The following UMAD1 variants were observed in gnomAD, a reference collection of about 807,000 sequenced individuals.
UMAD1 encodes the protein UBAP1-MVB12-associated (UMA) domain containing 1.
Under a neutral mutation model 6.1 loss-of-function variants are expected in UMAD1, and 8 were observed. That is an observed-to-expected ratio of 1.30 (90% confidence interval 0.76 to 2.35). UMAD1 has a LOEUF of 2.35. Ranked by LOEUF, UMAD1 falls within the 30% of genes most tolerant of loss-of-function variation. The pLI, the probability that UMAD1 is intolerant of heterozygous loss-of-function variation, is 0.00. For missense variants in UMAD1, 130 were observed against 78.4 expected (o/e 1.66, Z -2.49); for synonymous variants, 56 against 31.4 (o/e 1.78, Z -2.61).
chr7:7,854,942 A>T (rs964651201), intron 3 of UMAD1, among the ~76,000 whole-genome samples: 1 of 152,240 alleles, frequency 6.6e-6, no homozygotes, highest in African/African-American at 2.4e-5. Flanking sequence ...AAATGGGCCA[A>T]AACAAAGGGG....
At chr7:7,698,445 T>G (rs1780369968) in intron 2 of UMAD1, among the ~76,000 whole-genome samples, 1 of 152,252 alleles carries the variant, frequency 6.6e-6, no homozygotes, top group Non-Finnish European at 1.5e-5. Context: ...TTTTTACAGC[T>G]TAGCCTTTTC....
At chr7:7,788,195 G>T (rs1782495896) in intron 2 of UMAD1, among the ~76,000 whole-genome samples, 1 of 152,240 alleles carries the variant, frequency 6.6e-6, no homozygotes, top group Admixed American at 6.5e-5. Context: ...TTGCATATGT[G>T]TGAAGTGGTT....
intron 1 of UMAD1, among the ~76,000 whole-genome samples, 187 bp from the exon 2 acceptor site, chr7:7,673,122 G>C (rs147523661): frequency 1.7e-4 from 26 of 152,196 alleles, no homozygotes; most frequent in Admixed American, 2.0e-4. Flanking sequence ...GGATACAGGA[G>C]TTTAAATTGG....
intron 2 of UMAD1, among the ~76,000 whole-genome samples, chr7:7,744,647 T>C (rs1781536849): frequency 6.6e-6 from 1 of 151,880 alleles, no homozygotes; most frequent in Non-Finnish European, 1.5e-5. Flanking sequence ...TAGTAGTTCA[T>C]TGTGGTTTTG....
At chr7:7,645,570 A>C (rs935751761) in intron 1 of UMAD1, among the ~76,000 whole-genome samples, 13 of 152,322 alleles carry the variant, frequency 8.5e-5, no homozygotes, top group African/African-American at 3.1e-4. Context: ...TATTCCCCGA[A>C]GTCCTTCCCA....
intron 3 of UMAD1, among the ~76,000 whole-genome samples, chr7:7,813,497 C>T (rs1487763069): frequency 1.3e-5 from 2 of 152,114 alleles, no homozygotes; most frequent in Non-Finnish European, 1.5e-5. Context: ...AGTGACTGCG[C>T]CCAGCCCCTT....
At chr7:7,654,630 C>G (rs1217629395) in intron 1 of UMAD1, among the ~76,000 whole-genome samples, 1 of 152,084 alleles carries the variant, frequency 6.6e-6, no homozygotes. Flanking sequence ...GGGCTGGGTG[C>G]GGTGGCTCAT....
rs112315023 is a variant in UMAD1, at chr7:7,875,450, A to G, written c.157-1831A>G. ...AAATAGATGGACCATTAACCAGACT[A>G]GTAAAGATGAAAAGAGAGAAGAATC... On this transcript the variant is annotated intron_variant, in intron 3 of 3. Transcript: ENST00000682710. Among the ~76,000 whole-genome samples the G allele has an allele frequency of 8.6e-3, 1,317 of 152,328 alleles. 23 individuals carry two copies. The highest frequency in any genetic ancestry group is 0.03 in the African/African-American group (1,265 of 41,562).
chr7:7,646,892 A>G (rs1785109248), intron 1 of UMAD1, among the ~76,000 whole-genome samples: 1 of 152,086 alleles, frequency 6.6e-6, no homozygotes, highest in Admixed American at 6.5e-5. Flanking sequence ...GGGGTGACAT[A>G]TTGGGCCAAA....
intron 2 of UMAD1, among the ~76,000 whole-genome samples, chr7:7,798,659 C>T (rs1190214701): frequency 5.3e-5 from 8 of 152,318 alleles, no homozygotes; most frequent in Middle Eastern, 3.4e-3. Flanking sequence ...CTCTTCACAC[C>T]CTGTTCCCTA....
At chr7:7,715,496 A>T (rs1027649993) in intron 2 of UMAD1, among the ~76,000 whole-genome samples, 3 of 152,218 alleles carry the variant, frequency 2.0e-5, no homozygotes, top group Non-Finnish European at 4.4e-5. Context: ...TTATATAAAC[A>T]TTCATGCATT....
intron 2 of UMAD1, among the ~76,000 whole-genome samples, chr7:7,779,692 T>C (rs1950364919): frequency 6.6e-6 from 1 of 152,216 alleles, no homozygotes; most frequent in Non-Finnish European, 1.5e-5. Context: ...CCATCCAGGC[T>C]GAAGTGCAGT....
chr7:7,860,366 C>T (rs914997091), intron 3 of UMAD1, among the ~76,000 whole-genome samples: 2 of 151,980 alleles, frequency 1.3e-5, no homozygotes. Context: ...CGGGCCCTTG[C>T]TAATTGTCTT....
chr7:7,689,198 G>A (rs1780113039), intron 2 of UMAD1: 2 of 152,136 alleles, frequency 1.3e-5, no homozygotes, highest in South Asian at 4.1e-4. Context: ...ATTTCTGACT[G>A]CGACATGAAG....
intron 2 of UMAD1, among the ~76,000 whole-genome samples, chr7:7,746,537 A>G (rs1236880091): frequency 1.3e-5 from 2 of 152,348 alleles, no homozygotes; most frequent in East Asian, 3.9e-4. Context: ...ATGTGCATGT[A>G]GTTTTTGCCT....
intron 2 of UMAD1, among the ~76,000 whole-genome samples, chr7:7,800,845 G>A (rs1782784765): frequency 6.6e-6 from 1 of 152,006 alleles, no homozygotes; most frequent in African/African-American, 2.4e-5. Context: ...CATTTCTTTG[G>A]TAATCTTCCC....
chr7:7,802,193 C>T (rs1053072382), intron 3 of UMAD1, among the ~76,000 whole-genome samples: 5 of 152,324 alleles, frequency 3.3e-5, no homozygotes, highest in South Asian at 4.1e-4. Flanking sequence ...TCCTGGCCAA[C>T]ATGGTGAAAC....
intron 1 of UMAD1, among the ~76,000 whole-genome samples, chr7:7,641,976 A>G (rs1284910590): frequency 6.6e-6 from 1 of 152,256 alleles, no homozygotes; most frequent in Non-Finnish European, 1.5e-5. Context: ...AAACAGATGT[A>G]GAATGTGTGT....
intron 3 of UMAD1, among the ~76,000 whole-genome samples, chr7:7,827,392 G>A (rs1282178792): frequency 1.3e-5 from 2 of 151,950 alleles, no homozygotes; most frequent in African/African-American, 4.8e-5. Flanking sequence ...CAGTCCTCCT[G>A]TATTCAACTT....
Sources: allele counts gnomAD v4.1 joint callset (sites outside exome capture counted in the v4.1 genomes callset), GRCh38; gene constraint gnomAD v4.1.1; transcripts MANE v1.5; gene names NCBI Gene and HGNC (gene_info 2026-07-23, HGNC 2026-07-21).